CLOCK: variants seen among roughly 807,000 people sequenced by gnomAD.
CLOCK encodes the protein clock circadian regulator, also known as circadian locomoter output cycles protein kaput.
CLOCK carries 43 observed loss-of-function variants against 118.4 expected under a neutral mutation model. The ratio of observed to expected loss-of-function variants is 0.36; its 90% CI spans 0.28 to 0.47. The LOEUF (loss-of-function observed/expected upper bound fraction) is 0.47. CLOCK is among the 20% of genes least tolerant of loss of function. The pLI, the probability that CLOCK is intolerant of heterozygous loss-of-function variation, is 1.00. For synonymous variants in CLOCK, 326 were observed against 339.2 expected (o/e 0.96, Z 0.43); for missense variants, 846 against 999.9 (o/e 0.85, Z 2.08).
Position 55,435,155 on chromosome 4 carries a change from T to C in CLOCK, c.*260A>G. Reference sequence around the variant, plus strand: ...CTTAATATTTGGCAATATATTCTTTTTCCATCAAAAAATATCCAGGCACCT... The same window carrying C: ...CTTAATATTTGGCAATATATTCTTTCTCCATCAAAAAATATCCAGGCACCT... On this transcript the variant is annotated 3_prime_UTR_variant, in exon 23 of 23. Transcript: ENST00000513440. 1 of 487,438 alleles carries C rather than the reference T, an allele frequency of 2.1e-6. No individual in the cohort carries two copies. Among genetic ancestry groups the C allele is most frequent in the South Asian group, 2.1e-5 (1 of 46,806 alleles). The allele number at this position is 487,438 out of a possible 1,614,324, so 30.2% of individuals were successfully genotyped here.
intron 15 of CLOCK, among the ~76,000 whole-genome samples, chr4:55,450,911 T>C (rs1211175288): frequency 2.0e-5 from 3 of 152,074 alleles, no homozygotes; most frequent in Admixed American, 6.5e-5. Context: ...GAGAAGAGAA[T>C]TGCTTAAGCC....
At chr4:55,521,407 G>A (rs1300655570) in intron 1 of CLOCK, among the ~76,000 whole-genome samples, 4 of 152,132 alleles carry the variant, frequency 2.6e-5, no homozygotes, top group South Asian at 2.1e-4. Flanking sequence ...TAGCAGAGAC[G>A]GGGTTTCACC....
chr4:55,525,707 T>C (rs1730135783), intron 1 of CLOCK, among the ~76,000 whole-genome samples: 1 of 152,060 alleles, frequency 6.6e-6, no homozygotes, highest in Non-Finnish European at 1.5e-5. Flanking sequence ...TGGCCTAAAG[T>C]GATCCACCCG....
At chr4:55,476,601 T>G (rs917900813) in intron 6 of CLOCK, among the ~76,000 whole-genome samples, 1 of 152,146 alleles carries the variant, frequency 6.6e-6, no homozygotes, top group African/African-American at 2.4e-5. Flanking sequence ...ATGCAAAAAC[T>G]TTACTACAGT....
Position 55,473,168 on chromosome 4 carries a change from T to C in CLOCK, c.349-2362A>G, listed in dbSNP as rs1466367818. Reference sequence around the variant, plus strand: ...TGAATCTGGGAGGCAGAGGTTGCAGTGGGCAGATTGTGCCACTGCACTCCA... The same window carrying C: ...TGAATCTGGGAGGCAGAGGTTGCAGCGGGCAGATTGTGCCACTGCACTCCA... On this transcript the variant is annotated intron_variant, in intron 7 of 22. Transcript: ENST00000513440. Among the ~76,000 whole-genome samples the C allele has an allele frequency of 8.6e-5, 13 of 151,732 alleles. No individual in the cohort carries two copies. The East Asian group carries it at 2.1e-3, about 25-fold the overall frequency.
chr4:55,465,312 T>C (rs1487784048), intron 8 of CLOCK, among the ~76,000 whole-genome samples: 1 of 152,212 alleles, frequency 6.6e-6, no homozygotes, highest in Admixed American at 6.5e-5. Flanking sequence ...CACCATTTTA[T>C]CTATGCGGCT....
At chr4:55,453,933 CT>C in intron 13 of CLOCK, 109 bp from the exon 14 acceptor site, 1 of 839,524 alleles carries the variant, frequency 1.2e-6, no homozygotes, top group Non-Finnish European at 1.8e-6. Context: ...TATTATTTTT[CT>C]GGCCTTTTGA....
At chr4:55,546,399 C>G (rs1403260772) in intron 1 of CLOCK, 2 of 152,670 alleles carry the variant, frequency 1.3e-5, no homozygotes, top group Non-Finnish European at 2.9e-5. Context: ...TGGGCTTCAG[C>G]TCCCGCCTTC....
At chr4:55,526,324 C>A (rs1161520666) in intron 1 of CLOCK, among the ~76,000 whole-genome samples, 1 of 152,010 alleles carries the variant, frequency 6.6e-6, no homozygotes, top group Non-Finnish European at 1.5e-5. Context: ...TCCTAAAAAC[C>A]CCATCAGGAG....
chr4:55,498,198 A>C (rs543013387), intron 2 of CLOCK, among the ~76,000 whole-genome samples: 53 of 152,274 alleles, frequency 3.5e-4, no homozygotes, highest in African/African-American at 1.1e-3. Flanking sequence ...GCCACTTAAA[A>C]CACCACCAAA....
At chr4:55,449,001 CTA>C (rs1724192175) in intron 17 of CLOCK, 133 bp from the exon 18 acceptor site, 2 of 728,032 alleles carry the variant, frequency 2.7e-6, no homozygotes, top group Non-Finnish European at 2.3e-6. Context: ...CTGAATACAG[CTA>C]TGTCTTCTCA....
At chr4:55,437,511 C>T (rs1405384065) in intron 22 of CLOCK, among the ~76,000 whole-genome samples, 2 of 152,186 alleles carry the variant, frequency 1.3e-5, no homozygotes, top group Non-Finnish European at 1.5e-5. Flanking sequence ...GTCTGATTCA[C>T]TAAATGATAT....
chr4:55,539,605 A>AAAT (rs1731130075), intron 1 of CLOCK, among the ~76,000 whole-genome samples: 1 of 143,714 alleles, frequency 7.0e-6, no homozygotes, highest in Non-Finnish European at 1.5e-5. Flanking sequence ...AAAAAAGGTG[A>AAAT]AATTGAGATA....
chr4:55,531,911 A>AC (rs1730581381), intron 1 of CLOCK, among the ~76,000 whole-genome samples: 1 of 150,620 alleles, frequency 6.6e-6, no homozygotes, highest in Non-Finnish European at 1.5e-5. Flanking sequence ...TAAAAAAAAC[A>AC]AAAACAAAAA....
At chr4:55,471,230 G>C (rs142876265) in intron 7 of CLOCK, among the ~76,000 whole-genome samples, 1 of 152,208 alleles carries the variant, frequency 6.6e-6, no homozygotes, top group East Asian at 1.9e-4. Flanking sequence ...GTGTACATCT[G>C]AAGTTTAAGG....
At chr4:55,483,532 G>A (rs527895997) in intron 3 of CLOCK, among the ~76,000 whole-genome samples, 48 of 152,200 alleles carry the variant, frequency 3.2e-4, no homozygotes, top group African/African-American at 8.9e-4. Flanking sequence ...ATTTTCACAA[G>A]GGCTCCACGT....
intron 22 of CLOCK, among the ~76,000 whole-genome samples, chr4:55,436,340 G>C (rs765271014): frequency 6.6e-6 from 1 of 152,164 alleles, no homozygotes; most frequent in Non-Finnish European, 1.5e-5. Context: ...TTTGAGTTTT[G>C]CTCTGCCATT....
chr4:55,450,255 A>G lies in CLOCK; in HGVS notation c.1207-23T>C, dbSNP rs199807600. 4.8e-5 allele frequency: 78 copies of G among 1,613,690 alleles called. No individual in the cohort carries two copies. The African/African-American group carries it at 8.5e-4, about 18-fold the overall frequency. ...GCTCTATGGAGACAGAGTAAAATAA[A>G]TGTTTTCTTGTGGTTCAGTTCAGAG... On this transcript the variant is annotated intron_variant, in intron 15 of 22. Coordinates refer to ENST00000513440, the MANE Select transcript of CLOCK (RefSeq NM_004898.4).
chr4:55,495,793 T>A (rs891385638), intron 2 of CLOCK, among the ~76,000 whole-genome samples: 1 of 151,998 alleles, frequency 6.6e-6, no homozygotes, highest in Admixed American at 6.6e-5. Context: ...CAAAAGACCC[T>A]CCGTATCCTC....
Sources: gnomAD v4.1 joint callset for allele counts (sites outside exome capture counted in the v4.1 genomes callset) on GRCh38, gnomAD v4.1.1 for gene constraint, MANE v1.5 for transcripts, NCBI Gene and HGNC (gene_info 2026-07-23, HGNC 2026-07-21) for gene names.